The following DIP2C variants were observed in gnomAD, a reference collection of about 807,000 sequenced individuals.
DIP2C encodes disco-interacting protein 2 homolog C.
DIP2C carries 33 observed loss-of-function variants against 192.4 expected under a neutral mutation model. That is an observed-to-expected ratio of 0.17 (90% CI 0.13 to 0.23). DIP2C has a LOEUF of 0.23. Ranked by LOEUF, DIP2C falls within the 10% of genes least tolerant of loss-of-function variation. The pLI, the probability that DIP2C is intolerant of heterozygous loss-of-function variation, is 1.00. For missense variants in DIP2C, 1,537 were observed against 2,110.1 expected (o/e 0.73, Z 5.32); for synonymous variants, 979 against 864.1 (o/e 1.13, Z -2.33).
intron 3 of DIP2C, among the ~76,000 whole-genome samples, chr10:467,528 TAAAA>T (rs1206466475): frequency 6.1e-5 from 1 of 16,264 alleles, no homozygotes; most frequent in Admixed American, 9.2e-4. Flanking sequence ...ACTTAAAGTA[TAAAA>T]AAAAAATAAA....
Position 512,240 on chromosome 10 carries a change from T to C in DIP2C, c.86-25710A>G, listed in dbSNP as rs367814375. ...TTAAATTTGCAAGGTTGAAGCGTTT[T>C]TTAAAGTTGACTTCTAATCCTGGAA... On this transcript the variant is annotated intron_variant, in intron 1 of 36. Transcript: ENST00000280886. Among the ~76,000 whole-genome samples the C allele has an allele frequency of 1.0e-3, 156 of 152,298 alleles. 1 individual carries two copies. Among genetic ancestry groups the C allele is most frequent in the African/African-American group, 3.5e-3 (147 of 41,560 alleles).
intron 3 of DIP2C, among the ~76,000 whole-genome samples, chr10:452,005 G>C (rs1056559502): frequency 2.6e-5 from 4 of 152,068 alleles, no homozygotes; most frequent in African/African-American, 9.7e-5. Context: ...GCGACACAAG[G>C]AGACCAGCAC....
intron 29 of DIP2C, among the ~76,000 whole-genome samples, chr10:338,357 C>T (rs1957972589): frequency 6.6e-6 from 1 of 152,046 alleles, no homozygotes; most frequent in Admixed American, 6.5e-5. Context: ...GCTTACTCAC[C>T]AACTCGCCAA....
intron 3 of DIP2C, among the ~76,000 whole-genome samples, chr10:470,441 C>T (rs1382600157): frequency 6.6e-6 from 1 of 152,174 alleles, no homozygotes; most frequent in Non-Finnish European, 1.5e-5. Context: ...CCTCTCTCTT[C>T]CACACCTTCC....
In DIP2C at chr10:551,039, A is replaced by C. The variant is rs530485837; in HGVS notation, c.86-64509T>G. 1.4e-4 allele frequency among the ~76,000 whole-genome samples: 21 copies of C among 151,848 alleles called. 1 individual carries two copies. The South Asian group carries it at 3.6e-3, about 26-fold the overall frequency. ...CGATTTCCCCCTCTGCCCTCACTGG[A>C]CACTGTGGCTCTGGTACATACCTGA... On this transcript the variant is annotated intron_variant, in intron 1 of 36. Transcript: ENST00000280886.
chr10:381,753 G>A (rs1445309396), intron 17 of DIP2C, among the ~76,000 whole-genome samples: 1 of 152,146 alleles, frequency 6.6e-6, no homozygotes. Context: ...GTTGCAAGCA[G>A]GTCTCCTGCA....
chr10:654,234 G>C (rs1412007278), intron 1 of DIP2C, among the ~76,000 whole-genome samples: 2 of 152,186 alleles, frequency 1.3e-5, no homozygotes, highest in Non-Finnish European at 2.9e-5. Flanking sequence ...CTGATCTCAT[G>C]CTAATCAGTG....
At chr10:491,851 AC>A (rs1844470289) in intron 1 of DIP2C, among the ~76,000 whole-genome samples, 1 of 152,130 alleles carries the variant, frequency 6.6e-6, no homozygotes, top group Non-Finnish European at 1.5e-5. Context: ...CCTGCTGTGC[AC>A]CCTGCAGGGC....
chr10:418,953 T>C, intron 6 of DIP2C, 112 bp downstream of exon 6: 1 of 1,492,424 alleles, frequency 6.7e-7, no homozygotes. Context: ...TAAATTGGCT[T>C]TGTCAGAACC....
chr10:586,370 C>T (rs1192172018), intron 1 of DIP2C, among the ~76,000 whole-genome samples: 1 of 152,158 alleles, frequency 6.6e-6, no homozygotes, highest in Non-Finnish European at 1.5e-5. Context: ...CAGCAGTTTT[C>T]CACCCCACCA....
At chr10:523,088 A>T (rs1298059849) in intron 1 of DIP2C, among the ~76,000 whole-genome samples, 1 of 152,112 alleles carries the variant, frequency 6.6e-6, no homozygotes, top group Non-Finnish European at 1.5e-5. Flanking sequence ...CACCTGATGC[A>T]AAGGACCCTG....
intron 4 of DIP2C, among the ~76,000 whole-genome samples, chr10:424,896 A>C (rs1241322691): frequency 6.6e-6 from 1 of 152,238 alleles, no homozygotes; most frequent in Non-Finnish European, 1.5e-5. Context: ...CAAACCAAAC[A>C]AACAGCATAT....
At chr10:311,060 A>T (rs1196676679) in intron 31 of DIP2C, among the ~76,000 whole-genome samples, 1 of 152,020 alleles carries the variant, frequency 6.6e-6, no homozygotes, top group Non-Finnish European at 1.5e-5. Context: ...AACATACCAT[A>T]GTACTCAATA....
In DIP2C at chr10:636,690, G is replaced by A. The variant is rs572856181; in HGVS notation, c.85+52804C>T. Among the ~76,000 whole-genome samples, 50 of 152,286 alleles carry A rather than the reference G, an allele frequency of 3.3e-4. No individual in the cohort carries two copies. The highest frequency in any genetic ancestry group is 1.0e-3 in the African/African-American group (43 of 41,564). ...ACTCTCCTTCCCCATCTTCGTCAGG[G>A]ACAGCCTCACACCCTTTATCTGTGA... On this transcript the variant is annotated intron_variant, in intron 1 of 36. Transcript: ENST00000280886. The surrounding 1 kb of genome is among the most constrained non-coding windows in gnomAD (Gnocchi z 4.6).
chr10:494,539 G>A (rs906647621), intron 1 of DIP2C, among the ~76,000 whole-genome samples: 1 of 152,180 alleles, frequency 6.6e-6, no homozygotes, highest in East Asian at 1.9e-4. Context: ...GCTACCAAGA[G>A]TCAAAGCAAT....
chr10:644,104 C>T (rs1015094600), intron 1 of DIP2C, among the ~76,000 whole-genome samples: 1 of 152,196 alleles, frequency 6.6e-6, no homozygotes, highest in South Asian at 2.1e-4. Context: ...ATTCCGTGAG[C>T]GTATTCCTTA....
At chr10:614,428 C>T (rs557086468) in intron 1 of DIP2C, among the ~76,000 whole-genome samples, 12 of 152,342 alleles carry the variant, frequency 7.9e-5, no homozygotes, top group Admixed American at 2.0e-4. Flanking sequence ...TGGTGGGATC[C>T]GTCTCGGCCT....
At chr10:577,085 CCT>C (rs1268212849) in intron 1 of DIP2C, among the ~76,000 whole-genome samples, 1 of 152,186 alleles carries the variant, frequency 6.6e-6, no homozygotes, top group African/African-American at 2.4e-5. Context: ...TTTGAACACA[CCT>C]CAAGTGTGAC....
chr10:378,537 AT>A (rs770423118), intron 17 of DIP2C, among the ~76,000 whole-genome samples: 96 of 152,232 alleles, frequency 6.3e-4, no homozygotes, highest in Non-Finnish European at 1.2e-3. Context: ...ACAAAGACAC[AT>A]GTGAACACAT....
Sources: allele counts gnomAD v4.1 joint callset (sites outside exome capture counted in the v4.1 genomes callset), GRCh38; gene constraint gnomAD v4.1.1; non-coding constraint Gnocchi (gnomAD v3.1); transcripts MANE v1.5; gene names NCBI Gene and HGNC (gene_info 2026-07-23, HGNC 2026-07-21).